DOCK3: variants seen among roughly 807,000 people sequenced by gnomAD.
DOCK3 encodes dedicator of cytokinesis protein 3.
Under a neutral mutation model 265.6 loss-of-function variants are expected in DOCK3, and 60 were observed. The observed-to-expected ratio is 0.23, with a 90% CI of 0.18 to 0.28. DOCK3 has a LOEUF of 0.28. DOCK3 is among the 10% of genes least tolerant of loss of function. DOCK3 has a pLI of 1.00. For missense variants in DOCK3, 1,981 were observed against 2,594.3 expected (o/e 0.76, Z 5.14); for synonymous variants, 881 against 938.0 (o/e 0.94, Z 1.11).
chr3:50,861,180 G>A (rs1383599274), intron 3 of DOCK3, among the ~76,000 whole-genome samples: 2 of 152,124 alleles, frequency 1.3e-5, no homozygotes, highest in Non-Finnish European at 2.9e-5. Flanking sequence ...CAGGTGGGTC[G>A]TTGTCCTGTC....
intron 9 of DOCK3, among the ~76,000 whole-genome samples, chr3:51,099,250 A>G (rs1194689606): frequency 6.6e-6 from 1 of 152,230 alleles, no homozygotes; most frequent in Non-Finnish European, 1.5e-5. Context: ...AGATAGACAC[A>G]GTGAAACTTT....
intron 1 of DOCK3, among the ~76,000 whole-genome samples, chr3:50,774,424 A>C (rs2041468350): frequency 6.6e-6 from 1 of 151,948 alleles, no homozygotes; most frequent in Admixed American, 6.6e-5. Context: ...GTTCTTCTAC[A>C]TGTCTCATTA....
chr3:51,374,621 G>C lies in DOCK3; in HGVS notation c.5412+34G>C. On this transcript the variant is annotated intron_variant, in intron 50 of 52. Coordinates refer to ENST00000266037, the MANE Select transcript of DOCK3 (RefSeq NM_004947.5). The surrounding 1 kb of genome is among the most constrained non-coding windows in gnomAD (Gnocchi z 4.8). ...CCCACCACACTGACTGTCCTCTGCT[G>C]CAAGTGTGTTAGCCTGTGCTTCCCT... 1 of 1,571,564 alleles carries C rather than the reference G, an allele frequency of 6.4e-7. No individual in the cohort carries two copies. The highest frequency in any genetic ancestry group is 8.7e-7 in the Non-Finnish European group (1 of 1,151,604).
intron 1 of DOCK3, chr3:50,720,061 A>C (rs1450199009): frequency 4.8e-6 from 1 of 208,350 alleles, no homozygotes; most frequent in Non-Finnish European, 9.7e-6. Context: ...AACATTTAAA[A>C]CCTACTCTTT....
intron 1 of DOCK3, among the ~76,000 whole-genome samples, chr3:50,710,726 A>G (rs561251492): frequency 4.6e-5 from 7 of 152,354 alleles, no homozygotes; most frequent in African/African-American, 1.7e-4. Flanking sequence ...TAGCAGCACA[A>G]TTTGCAATTG....
intron 3 of DOCK3, among the ~76,000 whole-genome samples, chr3:50,846,940 A>G (rs1267239199): frequency 6.6e-6 from 1 of 151,974 alleles, no homozygotes; most frequent in Non-Finnish European, 1.5e-5. Flanking sequence ...CAGTCCATCA[A>G]TCTTGTTGAT....
intron 7 of DOCK3, among the ~76,000 whole-genome samples, chr3:51,080,902 A>T (rs1249895115): frequency 2.8e-5 from 4 of 141,030 alleles, no homozygotes; most frequent in South Asian, 2.3e-4. Context: ...GAATGCTTGA[A>T]TTTTTTTTTT....
intron 2 of DOCK3, among the ~76,000 whole-genome samples, chr3:50,785,295 C>T (rs758555500): frequency 3.9e-5 from 6 of 152,144 alleles, no homozygotes; most frequent in Admixed American, 1.3e-4. Context: ...TCTACCAATT[C>T]GGATGTCCTT....
At chr3:50,738,877 A>G (rs5000953) in intron 1 of DOCK3, among the ~76,000 whole-genome samples, 137,824 of 152,206 alleles carry the variant, frequency 0.91, 62,562 homozygotes, top group African/African-American at 0.95. Context: ...GTCTTAAACC[A>G]TCATATTTCA....
intron 52 of DOCK3, 43 bp downstream of exon 52, chr3:51,380,250 T>G (rs2088515973): frequency 6.4e-7 from 1 of 1,568,626 alleles, no homozygotes; most frequent in African/African-American, 1.4e-5. Flanking sequence ...GTGAGATGAG[T>G]CATCTCGTCT....
chr3:50,859,051 A>G (rs767646628), intron 3 of DOCK3, among the ~76,000 whole-genome samples: 4 of 151,810 alleles, frequency 2.6e-5, no homozygotes, highest in South Asian at 2.1e-4. Flanking sequence ...TAGCTCCTGT[A>G]TCACTTTATT....
chr3:51,243,030 G>A, intron 21 of DOCK3, among the ~76,000 whole-genome samples: 1 of 152,160 alleles, frequency 6.6e-6, no homozygotes, highest in South Asian at 2.1e-4. Context: ...CTGCAAGCAG[G>A]TATGGCCAGA....
intron 5 of DOCK3, among the ~76,000 whole-genome samples, chr3:51,051,655 C>G (rs1460976804): frequency 6.6e-6 from 1 of 152,134 alleles, no homozygotes; most frequent in Non-Finnish European, 1.5e-5. Flanking sequence ...ATACCCTTTC[C>G]CACTGTGTTA....
chr3:51,372,898 G>A (rs2087800436), intron 49 of DOCK3, among the ~76,000 whole-genome samples: 1 of 152,198 alleles, frequency 6.6e-6, no homozygotes, highest in South Asian at 2.1e-4. Flanking sequence ...GGTTCTAAAA[G>A]AGAACATAGA....
At chr3:51,145,450 A>C (rs754863620) in intron 9 of DOCK3, among the ~76,000 whole-genome samples, 1 of 151,990 alleles carries the variant, frequency 6.6e-6, no homozygotes, top group Non-Finnish European at 1.5e-5. Context: ...TCATTGTTCT[A>C]TTCCCACCTA....
intron 2 of DOCK3, among the ~76,000 whole-genome samples, chr3:50,780,696 A>AAT (rs2041863395): frequency 6.6e-6 from 1 of 152,166 alleles, no homozygotes; most frequent in African/African-American, 2.4e-5. Flanking sequence ...GAGAAAGTTC[A>AAT]ATATTTTCCT....
chr3:51,210,849 G>A (rs1560215487), intron 13 of DOCK3, among the ~76,000 whole-genome samples: 1 of 152,174 alleles, frequency 6.6e-6, no homozygotes, highest in African/African-American at 2.4e-5. Flanking sequence ...ATTTAAAAAT[G>A]CAGAAGCAAT....
chr3:51,006,107 C>CTTAGA (rs2031043701), intron 5 of DOCK3, among the ~76,000 whole-genome samples: 1 of 152,134 alleles, frequency 6.6e-6, no homozygotes, highest in African/African-American at 2.4e-5. Flanking sequence ...GTTCTGTCTG[C>CTTAGA]CTAGAATACT....
At chr3:50,738,019 C>A (rs1559572603) in intron 1 of DOCK3, among the ~76,000 whole-genome samples, 1 of 152,282 alleles carries the variant, frequency 6.6e-6, no homozygotes, top group East Asian at 1.9e-4. Flanking sequence ...GCACCTCTTT[C>A]AGTCTTTACA....
Sources: allele counts gnomAD v4.1 joint callset (sites outside exome capture counted in the v4.1 genomes callset), GRCh38; gene constraint gnomAD v4.1.1; non-coding constraint Gnocchi (gnomAD v3.1); transcripts MANE v1.5; gene names NCBI Gene and HGNC (gene_info 2026-07-23, HGNC 2026-07-21).